Variants in REST observed in about 807,000 individuals in gnomAD.
REST encodes RE1-silencing transcription factor.
REST carries 1 observed loss-of-function variant against 30.4 expected under a neutral mutation model. That is an observed-to-expected ratio of 0.03 (90% CI 0.01 to 0.16). The LOEUF (loss-of-function observed/expected upper bound fraction) is 0.16. Ranked by LOEUF, REST falls within the 10% of genes least tolerant of loss-of-function variation. REST has a pLI of 1.00. For missense variants in REST, 1,259 were observed against 1,329.5 expected, an observed-to-expected ratio of 0.95 and a Z score of 0.82; for synonymous variants, 504 against 451.1, an observed-to-expected ratio of 1.12 and a Z score of -1.49.
chr4:56,931,373 G>A lies in REST; in HGVS notation c.2515G>A (p.Glu839Lys). 1 of 1,614,256 alleles carries A rather than the reference G, an allele frequency of 6.2e-7. No individual in the cohort carries two copies. The highest frequency in any genetic ancestry group is 1.1e-5 in the South Asian group (1 of 91,088). Residue 839 changes from glutamate to lysine, a missense_variant, in exon 4 of 4, where the codon GAA (glutamate) becomes AAA (lysine). This residue lies in a region of REST where 856 missense variants were observed against 772.8 expected (regional missense o/e 1.11). Coordinates refer to ENST00000309042, the MANE Select transcript of REST (RefSeq NM_005612.5). ...ERARKEQVLI[E>K]VGLVPVKDSW... is the part of the protein sequence containing the mutation. ...GGCACGGAAGGAGCAAGTCCTTATT[G>A]AAGTTGGCTTAGTGCCTGTTAAAGA...
chr4:56,918,502 A>C lies in REST; in HGVS notation c.899-1285A>C, dbSNP rs187974081. ...AGCGAGACCCTGTCTCATAAAAAAC[A>C]ATAAAAAGAAAATTGATGACCTTCT... On this transcript the variant is annotated intron_variant, in intron 2 of 3. Transcript: ENST00000309042. 2.8e-4 allele frequency among the ~76,000 whole-genome samples: 42 copies of C among 152,260 alleles called. No individual in the cohort carries two copies. The East Asian group carries it at 6.6e-3, about 24-fold the overall frequency.
intron 3 of REST, among the ~76,000 whole-genome samples, chr4:56,920,932 C>G (rs1560447001): frequency 6.6e-6 from 1 of 152,042 alleles, no homozygotes; most frequent in Non-Finnish European, 1.5e-5. Flanking sequence ...GTAGTGCGAT[C>G]TCAGCTCACC....
Position 56,932,047 on chromosome 4 carries a change from C to T in REST, c.3189C>T (p.Ile1063=). Residue 1063 remains isoleucine, a synonymous_variant, in exon 4 of 4, where the codon ATC becomes ATT. Coordinates refer to ENST00000309042, the MANE Select transcript of REST (RefSeq NM_005612.5). ...CGGCTAAGGGAGATTTTGTTTGTATCTTCTGTGATCGTTCTTTCAGAAAGG... is the reference window on the plus strand; with the variant it reads ...CGGCTAAGGGAGATTTTGTTTGTATTTTCTGTGATCGTTCTTTCAGAAAGG... ...VKAAKGDFVC[I]FCDRSFRKGK... is the part of the protein sequence containing the mutation. The T allele has an allele frequency of 6.2e-7, 1 of 1,614,180 alleles. No individual in the cohort carries two copies. Among genetic ancestry groups the T allele is most frequent in the Non-Finnish European group, 8.5e-7 (1 of 1,180,042 alleles).
At chr4:56,918,674 C>T (rs913958174) in intron 2 of REST, among the ~76,000 whole-genome samples, 2 of 152,058 alleles carry the variant, frequency 1.3e-5, no homozygotes, top group Non-Finnish European at 2.9e-5. Context: ...CCTCCCGCGT[C>T]AGCCTCCCAA....
intron 3 of REST, among the ~76,000 whole-genome samples, chr4:56,921,411 T>G (rs1192121974): frequency 6.6e-6 from 1 of 152,180 alleles, no homozygotes; most frequent in African/African-American, 2.4e-5. Flanking sequence ...TATTTTATTA[T>G]TATTTTTTTT....
At chr4:56,924,018 G>T (rs1027214630) in intron 3 of REST, among the ~76,000 whole-genome samples, 3 of 152,054 alleles carry the variant, frequency 2.0e-5, no homozygotes, top group Non-Finnish European at 4.4e-5. Flanking sequence ...ACCACACCCG[G>T]CCAATATCCT....
Position 56,911,483 on chromosome 4 carries a change from A to C in REST, c.845A>C (p.Asn282Thr), listed in dbSNP as rs201400863. 6.2e-7 allele frequency: 1 copy of C among 1,614,058 alleles called. No homozygotes were observed. Among genetic ancestry groups the C allele is most frequent in the South Asian group, 1.1e-5 (1 of 91,068 alleles). ...AAAGTATACACATGTGGAAAATGCA[A>C]CTATTTTTCAGACAGAAAAAACAAT... ...PRKVYTCGKC[N>T]YFSDRKNNYV... is the part of the protein sequence containing the mutation. The change falls in exon 2 of 4, where the codon AAC (asparagine) becomes ACC (threonine). Residue 282 changes from asparagine (N) to threonine (T), a missense_variant. Physicochemically the swap from Asn to Thr is moderately conservative, Grantham distance 65. Around this residue, in one of 5 missense-constraint regions of REST, gnomAD observed 125 missense variants for 255.4 expected, o/e 0.49. Transcript: ENST00000309042.
At position 56,930,591 on chromosome 4, in the gene REST, G is replaced by A. The variant is rs764975553; in HGVS notation, c.1733G>A (p.Ser578Asn). The A allele has an allele frequency of 6.2e-7, 1 of 1,612,566 alleles. No homozygotes were observed. Among genetic ancestry groups the A allele is most frequent in the Non-Finnish European group, 8.5e-7 (1 of 1,179,792 alleles). Residue 578 changes from serine to asparagine, a missense_variant, in exon 4 of 4, where the codon AGT (serine) becomes AAT (asparagine). Physicochemically the swap from Ser to Asn is conservative, Grantham distance 46 (BLOSUM62 1). This residue lies in a region of REST where 856 missense variants were observed against 772.8 expected (regional missense o/e 1.11). Transcript: ENST00000309042. ...AAGCAAAATACTTGCATGAAAAAAAGTACAAAGAAGAAAACTCTGAAAAAT... is the reference window on the plus strand; with the variant it reads ...AAGCAAAATACTTGCATGAAAAAAAATACAAAGAAGAAAACTCTGAAAAAT... ...NKKQNTCMKK[S>N]TKKKTLKNKS...
rs150135237 is a variant in REST, at chr4:56,931,300, T to C, written c.2442T>C (p.Pro814=). 1.4e-5 allele frequency: 22 copies of C among 1,614,058 alleles called. No individual in the cohort carries two copies. In the African/African-American group the frequency reaches 2.5e-4, roughly 19 times the overall value. ...ACATGGAGCCAATTTCCAAAAAGCC[T>C]CCTCTCCGAAAAGATAAAAAGGAAA... The part of the protein sequence containing the change: ...PLHMEPISKK[P]PLRKDKKEKS... The change falls in exon 4 of 4, where the codon CCT becomes CCC. Residue 814 remains proline, a synonymous_variant. Transcript: ENST00000309042.
At chr4:56,922,386 T>C (rs1233084178) in intron 3 of REST, 1 of 151,418 alleles carries the variant, frequency 6.6e-6, no homozygotes, top group East Asian at 1.9e-4. Context: ...TGATCGCAGC[T>C]CACTGCAACC....
At chr4:56,916,831 A>G (rs1349971709) in intron 2 of REST, among the ~76,000 whole-genome samples, 1 of 152,202 alleles carries the variant, frequency 6.6e-6, no homozygotes, top group East Asian at 1.9e-4. Flanking sequence ...ATGAATATTC[A>G]TGTTTAAGTT....
chr4:56,921,205 T>A lies in REST; in HGVS notation c.982+1335T>A, dbSNP rs1177469545. ...TTAGAATACAGATTTAGAATGTATA[T>A]CCCTGTGGGAAAAGTATCTTAAATC... is the stretch of plus-strand genomic sequence containing the variant. On this transcript the variant is annotated intron_variant, in intron 3 of 3. Coordinates refer to ENST00000309042, the MANE Select transcript of REST (RefSeq NM_005612.5). Among the ~76,000 whole-genome samples the A allele has an allele frequency of 3.9e-5, 6 of 152,176 alleles. No individual in the cohort carries two copies. In the East Asian group the frequency reaches 7.8e-4, roughly 20 times the overall value.
chr4:56,915,963 C>T (rs907875105), intron 2 of REST, among the ~76,000 whole-genome samples: 2 of 152,164 alleles, frequency 1.3e-5, no homozygotes, highest in Non-Finnish European at 2.9e-5. Context: ...AGCCGTTCCA[C>T]GATGGCTCAC....
rs530762846 is a variant in REST, at chr4:56,932,847, G to A, written c.*695G>A. The A allele has an allele frequency of 3.3e-5, 5 of 151,874 alleles. No homozygotes were observed. Among genetic ancestry groups the A allele is most frequent in the Non-Finnish European group, 5.9e-5 (4 of 67,984 alleles). 9.4% of individuals were successfully genotyped at this position (151,874 alleles called of 1,614,324 possible). ...TGCAGTTAAATTTTTCCTAGAAATA[G>A]CATTTGTGTTGAACAGTAACACTTT... On this transcript the variant is annotated 3_prime_UTR_variant, in exon 4 of 4. Transcript: ENST00000309042.
At chr4:56,909,583 T>C (rs2109519875) in intron 1 of REST, 2 of 152,412 alleles carry the variant, frequency 1.3e-5, no homozygotes, top group Middle Eastern at 6.8e-3. Context: ...TTCCAACTTT[T>C]GTTGGTACGT....
At chr4:56,924,134 A>G (rs1720575386) in intron 3 of REST, among the ~76,000 whole-genome samples, 1 of 152,172 alleles carries the variant, frequency 6.6e-6, no homozygotes, top group Non-Finnish European at 1.5e-5. Flanking sequence ...TTGGGATTAC[A>G]GGTTTGAGTC....
At position 56,933,249 on chromosome 4, in the gene REST, G is replaced by A. The variant is rs918084333; in HGVS notation, c.*1097G>A. On this transcript the variant is annotated 3_prime_UTR_variant, in exon 4 of 4. Coordinates refer to ENST00000309042, the MANE Select transcript of REST (RefSeq NM_005612.5). ...GGTACAGCTAATTCCTAATTGTAGA[G>A]TGTTAAATGTTTGAGGAGAACCTTT... is the stretch of plus-strand genomic sequence containing the variant. The A allele has an allele frequency of 6.6e-6, 1 of 151,976 alleles. No individual in the cohort carries two copies. Among genetic ancestry groups the A allele is most frequent in the African/African-American group, 2.4e-5 (1 of 41,322 alleles). The allele number at this position is 151,976 out of a possible 1,614,324, so 9.4% of individuals were successfully genotyped here.
chr4:56,910,666 T>C lies in REST; in HGVS notation c.28T>C (p.Ser10Pro). MATQVMGQSSGGGGLFTSSG... is the reference protein window; with the variant it reads MATQVMGQSPGGGGLFTSSG... ...GGCCACCCAGGTAATGGGGCAGTCTTCTGGAGGAGGAGGGCTGTTTACCAG... is the reference window on the plus strand; with the variant it reads ...GGCCACCCAGGTAATGGGGCAGTCTCCTGGAGGAGGAGGGCTGTTTACCAG... The change falls in exon 2 of 4, where the codon TCT (serine) becomes CCT (proline). Residue 10 changes from serine (S) to proline (P), a missense_variant. Around this residue, in one of 5 missense-constraint regions of REST, gnomAD observed 249 missense variants for 251.5 expected, o/e 0.99. Transcript: ENST00000309042. The C allele has an allele frequency of 3.7e-6, 6 of 1,613,012 alleles. No individual in the cohort carries two copies. Among genetic ancestry groups the C allele is most frequent in the Non-Finnish European group, 5.1e-6 (6 of 1,179,122 alleles).
chr4:56,930,324 C>G lies in REST; in HGVS notation c.1466C>G (p.Thr489Ser). 6.2e-7 allele frequency: 1 copy of G among 1,614,036 alleles called. No individual in the cohort carries two copies. Among genetic ancestry groups the G allele is most frequent in the Non-Finnish European group, 8.5e-7 (1 of 1,180,018 alleles). ...AATAATGTGTCAGTGATCCAGGTGA[C>G]TACCAGAACTCGAAAATCAGTAACA... is the stretch of plus-strand genomic sequence containing the variant. Reference protein sequence around the residue: ...PSNNVSVIQVTTRTRKSVTEV... With the variant: ...PSNNVSVIQVSTRTRKSVTEV... Residue 489 changes from threonine to serine, a missense_variant, in exon 4 of 4, where the codon ACT becomes AGT. Coordinates refer to ENST00000309042, the MANE Select transcript of REST (RefSeq NM_005612.5).
Sources: gnomAD v4.1 joint callset for allele counts (sites outside exome capture counted in the v4.1 genomes callset) on GRCh38, gnomAD v4.1.1 for gene constraint, gnomAD v4.1.1 regional missense constraint, MANE v1.5 for transcripts, NCBI Gene and HGNC (gene_info 2026-07-23, HGNC 2026-07-21) for gene names.